The following UGGT2 variants were observed in gnomAD, a reference collection of about 807,000 sequenced individuals.
UGGT2 encodes UDP-glucose:glycoprotein glucosyltransferase 2.
Under a neutral mutation model 192.1 loss-of-function variants are expected in UGGT2, and 180 were observed. The ratio of observed to expected loss-of-function variants is 0.94; its 90% CI spans 0.83 to 1.06. The LOEUF is 1.06. UGGT2 is among the 50% of genes least tolerant of loss of function. UGGT2 has a pLI of 0.00. For synonymous variants in UGGT2, 580 were observed against 591.0 expected (o/e 0.98, Z 0.27); for missense variants, 1,849 against 1,795.7 (o/e 1.03, Z -0.54).
At chr13:95,917,854 G>T (rs1405203869) in intron 20 of UGGT2, among the ~76,000 whole-genome samples, 1 of 151,968 alleles carries the variant, frequency 6.6e-6, no homozygotes, top group Non-Finnish European at 1.5e-5. Flanking sequence ...AAATATATAG[G>T]CACCCAATAC....
intron 4 of UGGT2, among the ~76,000 whole-genome samples, chr13:96,019,313 C>T (rs2052445023): frequency 6.6e-6 from 1 of 152,112 alleles, no homozygotes; most frequent in Non-Finnish European, 1.5e-5. Context: ...TCCCCATGGG[C>T]CCACATTCCA....
intron 29 of UGGT2, among the ~76,000 whole-genome samples, chr13:95,869,109 T>C (rs921111206): frequency 7.3e-5 from 11 of 150,650 alleles, no homozygotes; most frequent in Admixed American, 4.0e-4. Flanking sequence ...TTGTTCAATT[T>C]CCACCTATGA....
chr13:95,865,797 TTTAA>T (rs1328671020), intron 30 of UGGT2, among the ~76,000 whole-genome samples: 3 of 152,252 alleles, frequency 2.0e-5, no homozygotes, highest in Admixed American at 1.3e-4. Flanking sequence ...TACCCCATTC[TTTAA>T]TTATCTTTGA....
chr13:95,852,943 C>T (rs1480348648), intron 36 of UGGT2, among the ~76,000 whole-genome samples: 2 of 152,170 alleles, frequency 1.3e-5, no homozygotes, highest in Non-Finnish European at 2.9e-5. Context: ...CCACCTAAAT[C>T]TCATCATAAA....
intron 38 of UGGT2, among the ~76,000 whole-genome samples, chr13:95,830,574 A>G (rs1047634592): frequency 6.6e-6 from 1 of 152,218 alleles, no homozygotes; most frequent in Non-Finnish European, 1.5e-5. Flanking sequence ...CAAAACCACA[A>G]TGAGATACTG....
chr13:96,008,851 A>G (rs2052066197), intron 5 of UGGT2, among the ~76,000 whole-genome samples: 1 of 152,228 alleles, frequency 6.6e-6, no homozygotes. Flanking sequence ...ACTACCAATG[A>G]CATTCTTCAC....
At chr13:96,007,344 A>T (rs914996222) in intron 5 of UGGT2, among the ~76,000 whole-genome samples, 1 of 152,218 alleles carries the variant, frequency 6.6e-6, no homozygotes, top group Non-Finnish European at 1.5e-5. Flanking sequence ...AGCTAATATC[A>T]TATGGAAACA....
chr13:95,983,667 A>G, intron 10 of UGGT2, 137 bp downstream of exon 10: 1 of 722,508 alleles, frequency 1.4e-6, no homozygotes, highest in Non-Finnish European at 2.4e-6. Flanking sequence ...CAGTATAAAA[A>G]TAGAAGAACC....
At chr13:95,926,956 A>C (rs948578707) in intron 19 of UGGT2, 72 bp downstream of exon 19, 15 of 1,354,956 alleles carry the variant, frequency 1.1e-5, no homozygotes, top group Middle Eastern at 2.6e-4. Context: ...AAAATTTATT[A>C]TACAACTGCC....
At chr13:95,802,973 A>C in intron 38 of UGGT2, among the ~76,000 whole-genome samples, 1 of 151,882 alleles carries the variant, frequency 6.6e-6, no homozygotes, top group East Asian at 2.0e-4. Flanking sequence ...AGCTGGGACT[A>C]CAGGCGCCCG....
rs1889623853 is a variant in UGGT2, at chr13:95,856,432, T to A, written c.3826-92A>T. 5.3e-6 allele frequency: 7 copies of A among 1,313,226 alleles called. No individual in the cohort carries two copies. The Admixed American group carries it at 1.9e-4, about 35-fold the overall frequency. 81.3% of individuals were successfully genotyped at this position (1,313,226 alleles called of 1,614,324 possible). ...ATAACATTAAAAAGGTAAAGCTTCC[T>A]ATAAATTGTTATAAACTAATAGGCA... On this transcript the variant is annotated intron_variant, in intron 33 of 38. Coordinates refer to ENST00000376747, the MANE Select transcript of UGGT2 (RefSeq NM_020121.4).
rs1266344498 is a variant in UGGT2 at position 95,900,840 on chromosome 13, A to G, written c.2601T>C (p.Arg867=). ...TGCTGACAATACCCATTTCTCCAGG[A>G]CGTAATTTAAGTACATCTTGACAGA... ...QLFCQDVLKL[R]PGEMGIVSNG... Residue 867 remains arginine (R), a synonymous_variant, in exon 22 of 39, where the codon CGT becomes CGC. Transcript: ENST00000376747. The G allele has an allele frequency of 9.3e-6, 15 of 1,611,684 alleles. No homozygotes were observed. The highest frequency in any genetic ancestry group is 1.3e-5 in the Non-Finnish European group (15 of 1,179,002).
chr13:96,048,147 C>T (rs1044750444), intron 1 of UGGT2, among the ~76,000 whole-genome samples: 2 of 152,016 alleles, frequency 1.3e-5, no homozygotes, highest in South Asian at 2.1e-4. Context: ...TCTCAGACAA[C>T]AGCAATCAAA....
chr13:95,929,576 T>C (rs910440530), intron 17 of UGGT2, among the ~76,000 whole-genome samples: 1 of 152,196 alleles, frequency 6.6e-6, no homozygotes, highest in Non-Finnish European at 1.5e-5. Context: ...CTGTGTTAGT[T>C]TGCTTGGCCT....
intron 38 of UGGT2, 49 bp from the exon 39 acceptor site, chr13:95,801,861 AT>A: frequency 6.2e-7 from 1 of 1,602,104 alleles, no homozygotes; most frequent in Non-Finnish European, 8.5e-7. Flanking sequence ...AAACATAAAA[AT>A]ATCTTAAATA....
At chr13:95,929,730 T>C (rs2049178370) in intron 17 of UGGT2, among the ~76,000 whole-genome samples, 1 of 152,240 alleles carries the variant, frequency 6.6e-6, no homozygotes, top group South Asian at 2.1e-4. Context: ...TTTGCTATTA[T>C]GAATAGTGCT....
intron 37 of UGGT2, among the ~76,000 whole-genome samples, chr13:95,835,605 T>C (rs903070590): frequency 6.6e-6 from 1 of 152,360 alleles, no homozygotes. Context: ...AAAGTTCCTA[T>C]ATTTTGTTTT....
chr13:96,018,637 T>C (rs568098209), intron 4 of UGGT2, among the ~76,000 whole-genome samples: 2 of 151,924 alleles, frequency 1.3e-5, no homozygotes, highest in South Asian at 4.2e-4. Flanking sequence ...CTTTCCAACA[T>C]GTAAATAAAA....
rs745449269 is a variant in UGGT2, at chr13:95,884,615, G to A, written c.3104C>T (p.Pro1035Leu). Reference sequence around the variant, plus strand: ...AGGAATATCCAAAAATTTTGCCACTGGTCCAAGAGAAGAAACGTCATTAGC... The same window carrying A: ...AGGAATATCCAAAAATTTTGCCACTAGTCCAAGAGAAGAAACGTCATTAGC... The part of the protein sequence containing the change: ...SGANDVSSLG[P>L]VAKFLDIPES... The change falls in exon 27 of 39, where the codon CCA becomes CTA. Residue 1035 changes from proline (P) to leucine (L), a missense_variant. Coordinates refer to ENST00000376747, the MANE Select transcript of UGGT2 (RefSeq NM_020121.4). 1.2e-6 allele frequency: 2 copies of A among 1,613,874 alleles called. No homozygotes were observed. The highest frequency in any genetic ancestry group is 2.7e-5 in the African/African-American group (2 of 75,008).
Sources: allele counts gnomAD v4.1 joint callset (sites outside exome capture counted in the v4.1 genomes callset), GRCh38; gene constraint gnomAD v4.1.1; transcripts MANE v1.5; gene names NCBI Gene and HGNC (gene_info 2026-07-23, HGNC 2026-07-21).